The following TMEM232 variants were observed in gnomAD, a reference collection of about 807,000 sequenced individuals.
TMEM232 encodes the protein transmembrane protein 232.
TMEM232 carries 80 observed loss-of-function variants against 78.8 expected under a neutral mutation model. The ratio of observed to expected loss-of-function variants is 1.01; its 90% CI spans 0.85 to 1.22. The LOEUF (loss-of-function observed/expected upper bound fraction) is 1.22, where lower values mean the gene tolerates loss of function less well. Among genes scored for constraint, TMEM232 ranks in the 50% most tolerant of loss-of-function variants. The probability of loss-of-function intolerance (pLI) is 0.00; values close to 1 mark genes in which losing one functional copy is unlikely to be tolerated. For missense variants in TMEM232, 881 were observed against 742.2 expected (o/e 1.19, Z -2.17); for synonymous variants, 297 against 254.3 (o/e 1.17, Z -1.60).
intron 11 of TMEM232, among the ~76,000 whole-genome samples, chr5:110,532,845 T>C (rs924656099): frequency 3.3e-5 from 5 of 152,290 alleles, no homozygotes; most frequent in Middle Eastern, 3.4e-3. Flanking sequence ...TCCCACAGCA[T>C]GCTTTGAAAG....
chr5:110,663,713 T>A (rs548384012), intron 2 of TMEM232, among the ~76,000 whole-genome samples: 1 of 151,592 alleles, frequency 6.6e-6, no homozygotes, highest in East Asian at 1.9e-4. Context: ...CATACTCTTA[T>A]AGACTGGGGA....
chr5:110,430,337 T>C (rs888691955), intron 12 of TMEM232, among the ~76,000 whole-genome samples: 7 of 151,352 alleles, frequency 4.6e-5, no homozygotes, highest in Non-Finnish European at 1.0e-4. Flanking sequence ...ACCTACCATC[T>C]CCAATACTTA....
intron 2 of TMEM232, among the ~76,000 whole-genome samples, chr5:110,401,334 T>C (rs1399371361): frequency 6.6e-6 from 1 of 151,620 alleles, no homozygotes; most frequent in Non-Finnish European, 1.5e-5. Context: ...TGCACAAATT[T>C]CAAGTGTCAA....
intron 8 of TMEM232, among the ~76,000 whole-genome samples, chr5:110,616,297 C>G (rs1487062975): frequency 6.6e-6 from 1 of 151,820 alleles, no homozygotes; most frequent in Admixed American, 6.6e-5. Flanking sequence ...TTGACAGTTA[C>G]CAAGAATACA....
chr5:110,737,455 G>T (rs1455225371), intron 1 of TMEM232, among the ~76,000 whole-genome samples: 1 of 152,058 alleles, frequency 6.6e-6, no homozygotes, highest in Non-Finnish European at 1.5e-5. Context: ...TTGATACATA[G>T]TGCCAAACTG....
At chr5:110,500,503 G>A (rs958302178) in intron 12 of TMEM232, among the ~76,000 whole-genome samples, 1 of 151,930 alleles carries the variant, frequency 6.6e-6, no homozygotes, top group African/African-American at 2.4e-5. Flanking sequence ...ATTTTACTGA[G>A]TTATGATAAA....
At chr5:110,429,936 T>C (rs571037146) in intron 12 of TMEM232, 2 of 151,908 alleles carry the variant, frequency 1.3e-5, no homozygotes, top group South Asian at 4.1e-4. Context: ...AACTTTCTTG[T>C]CTTAGTTCTA....
intron 12 of TMEM232, among the ~76,000 whole-genome samples, chr5:110,473,749 TG>T (rs1341696488): frequency 1.3e-5 from 2 of 149,294 alleles, no homozygotes; most frequent in East Asian, 3.9e-4. Context: ...TGTCGATCAA[TG>T]GAAAAAATGA....
At chr5:110,610,235 A>AAGGAAGG (rs1782039817) in intron 8 of TMEM232, among the ~76,000 whole-genome samples, 1 of 43,926 alleles carries the variant, frequency 2.3e-5, no homozygotes, top group South Asian at 9.0e-4. Context: ...AGGGAAAAAG[A>AAGGAAGG]AAGGAAGGAA....
chr5:110,653,968 T>C (rs930478595), intron 2 of TMEM232, among the ~76,000 whole-genome samples: 2 of 152,110 alleles, frequency 1.3e-5, no homozygotes, highest in Non-Finnish European at 1.5e-5. Context: ...AAAAAATAAT[T>C]AATCAAAGGA....
At position 110,420,744 on chromosome 5, in the gene TMEM232, G is replaced by C. The variant is rs1470843244; in HGVS notation, c.1810C>G (p.Leu604Val). The change falls in exon 14 of 14, where the codon CTA becomes GTA. Residue 604 changes from leucine to valine, a missense_variant. Physicochemically the swap from Leu to Val is conservative, Grantham distance 32. Transcript: ENST00000455884. ...KIIDHHWQEE[L>V]KIREKEDAIC... Reference sequence around the variant, plus strand: ...GCATCTTCTTTTTCTCGGATCTTTAGCTCTTCCTGCCACTGTTACAGAGAG... The same window carrying C: ...GCATCTTCTTTTTCTCGGATCTTTACCTCTTCCTGCCACTGTTACAGAGAG... 6.6e-7 allele frequency: 1 copy of C among 1,519,824 alleles called. No homozygotes were observed. The highest frequency in any genetic ancestry group is 2.5e-5 in the East Asian group (1 of 39,838). The allele number at this position is 1,519,824 out of a possible 1,614,324, so 94.1% of individuals were successfully genotyped here.
intron 1 of TMEM232, among the ~76,000 whole-genome samples, chr5:110,726,174 T>C (rs3853748): frequency 0.3 from 4,362 of 14,588 alleles, 187 homozygotes; most frequent in Non-Finnish European, 0.35. Context: ...TCTTTTGAAG[T>C]CCAAGAGTCT....
At chr5:110,618,342 G>A (rs1783204532) in intron 8 of TMEM232, 87 bp downstream of exon 8, 1 of 1,484,684 alleles carries the variant, frequency 6.7e-7, no homozygotes, top group Non-Finnish European at 9.0e-7. Flanking sequence ...ACTGAGGTGT[G>A]ATTAACATTT....
intron 1 of TMEM232, among the ~76,000 whole-genome samples, chr5:110,715,613 G>T (rs1017911300): frequency 6.6e-6 from 1 of 152,118 alleles, no homozygotes; most frequent in Non-Finnish European, 1.5e-5. Flanking sequence ...GATGAAAGCT[G>T]CAAACCAAAA....
intron 12 of TMEM232, among the ~76,000 whole-genome samples, chr5:110,486,872 T>C (rs1050398010): frequency 2.0e-5 from 3 of 152,090 alleles, no homozygotes; most frequent in African/African-American, 7.2e-5. Flanking sequence ...GGTATTTTGA[T>C]GGGGAATGCA....
At chr5:110,515,962 G>C (rs906163286) in intron 12 of TMEM232, among the ~76,000 whole-genome samples, 2 of 152,146 alleles carry the variant, frequency 1.3e-5, no homozygotes, top group African/African-American at 2.4e-5. Flanking sequence ...ATTTGAGGCC[G>C]GGCACGGTGG....
At chr5:110,609,696 G>C (rs995166861) in intron 8 of TMEM232, among the ~76,000 whole-genome samples, 14 of 152,176 alleles carry the variant, frequency 9.2e-5, no homozygotes, top group African/African-American at 2.6e-4. Context: ...ACAGGAAGCT[G>C]CCTGATAATT....
intron 12 of TMEM232, among the ~76,000 whole-genome samples, chr5:110,470,362 G>T (rs567661754): frequency 6.6e-6 from 1 of 152,044 alleles, no homozygotes; most frequent in African/African-American, 2.4e-5. Context: ...CACAGAGAAT[G>T]AACTTGTATG....
intron 4 of TMEM232, among the ~76,000 whole-genome samples, chr5:110,389,385 G>T (rs1336573099): frequency 6.6e-6 from 1 of 152,094 alleles, no homozygotes; most frequent in Non-Finnish European, 1.5e-5. Context: ...TGAACAGATA[G>T]ATTGGGGTTG....
Sources: allele counts gnomAD v4.1 joint callset (sites outside exome capture counted in the v4.1 genomes callset), GRCh38; gene constraint gnomAD v4.1.1; transcripts MANE v1.5; gene names NCBI Gene and HGNC (gene_info 2026-07-23, HGNC 2026-07-21).